Variants in SHLD2 observed in about 807,000 individuals in gnomAD.
SHLD2 encodes the protein shieldin complex subunit 2, also known as RINN1-REV7-interacting novel NHEJ regulator 2.
Under a neutral mutation model 73.2 loss-of-function variants are expected in SHLD2, and 30 were observed. The observed-to-expected ratio is 0.41, with a 90% confidence interval of 0.31 to 0.56. SHLD2 has a LOEUF of 0.56. Among genes scored for constraint, SHLD2 ranks in the 20% least tolerant of loss-of-function variants. The pLI, the probability that SHLD2 is intolerant of heterozygous loss-of-function variation, is 0.28. For synonymous variants in SHLD2, 285 were observed against 370.1 expected, an observed-to-expected ratio of 0.77 and a Z score of 2.64; for missense variants, 745 against 1,055.9, an observed-to-expected ratio of 0.71 and a Z score of 4.08.
intron 3 of SHLD2, among the ~76,000 whole-genome samples, chr10:87,154,777 T>A (rs1040308814): frequency 2.0e-5 from 3 of 152,162 alleles, no homozygotes; most frequent in African/African-American, 4.8e-5. Flanking sequence ...GGAAGTTGAT[T>A]AAGCTTAATA....
At chr10:87,167,676 A>G (rs2134521061) in intron 4 of SHLD2, among the ~76,000 whole-genome samples, 1 of 152,202 alleles carries the variant, frequency 6.6e-6, no homozygotes, top group Non-Finnish European at 1.5e-5. Context: ...ACAGGATCTC[A>G]CTCTGTTACC....
intron 8 of SHLD2, among the ~76,000 whole-genome samples, chr10:87,185,999 G>A (rs7096476): frequency 0.016 from 2,364 of 152,168 alleles, 70 homozygotes; most frequent in African/African-American, 0.054. Context: ...ATGAGCCACC[G>A]CGCATGCCCA....
At chr10:87,148,879 C>T (rs1326173736) in intron 2 of SHLD2, among the ~76,000 whole-genome samples, 2 of 150,330 alleles carry the variant, frequency 1.3e-5, no homozygotes. Context: ...GTATTCCCAC[C>T]AACTTTTTTT....
chr10:87,134,009 G>C (rs974832624), intron 2 of SHLD2, among the ~76,000 whole-genome samples: 1 of 152,206 alleles, frequency 6.6e-6, no homozygotes, highest in African/African-American at 2.4e-5. Context: ...GAGGACAATG[G>C]AAGAAGAGTA....
chr10:87,115,546 T>G (rs1357928984), intron 2 of SHLD2: 1 of 151,908 alleles, frequency 6.6e-6, no homozygotes, highest in Non-Finnish European at 1.5e-5. Flanking sequence ...GAGGTAGTGG[T>G]GACGTTGTAA....
At position 87,114,195 on chromosome 10, in the gene SHLD2, C is replaced by T. The variant is rs974019310; in HGVS notation, c.-6+17206C>T. ...GTTGCCAGAGAACTGGAGCAACATT[C>T]TGTTTGTGGGAAAGAGAATACTCTG... On this transcript the variant is annotated intron_variant, in intron 2 of 9. Transcript: ENST00000298786. 9 of 152,224 alleles carry T rather than the reference C, an allele frequency of 5.9e-5. 1 individual carries two copies. The highest frequency in any genetic ancestry group is 2.1e-4 in the South Asian group (1 of 4,810). The allele number at this position is 152,224 out of a possible 1,614,324, so 9.4% of individuals were successfully genotyped here.
At chr10:87,122,924 C>T (rs1385756645) in intron 2 of SHLD2, among the ~76,000 whole-genome samples, 3 of 152,064 alleles carry the variant, frequency 2.0e-5, no homozygotes, top group Admixed American at 6.5e-5. Flanking sequence ...ACTACAGGCA[C>T]CTGCCACCAC....
intron 5 of SHLD2, 77 bp from the exon 6 acceptor site, chr10:87,170,763 T>C (rs1235202634): frequency 8.1e-6 from 13 of 1,596,696 alleles, no homozygotes; most frequent in Non-Finnish European, 8.5e-6. Flanking sequence ...TCACTATATA[T>C]GTATCATCAG....
chr10:87,124,395 G>A (rs1843837411), intron 2 of SHLD2, among the ~76,000 whole-genome samples: 1 of 151,850 alleles, frequency 6.6e-6, no homozygotes, highest in African/African-American at 2.4e-5. Flanking sequence ...AATCAGCTGG[G>A]CATGGTGAGG....
intron 2 of SHLD2, among the ~76,000 whole-genome samples, chr10:87,115,131 A>G (rs1397706546): frequency 6.6e-6 from 1 of 151,942 alleles, no homozygotes; most frequent in African/African-American, 2.4e-5. Flanking sequence ...GCTCACTGCA[A>G]CCTCCGCCTC....
intron 2 of SHLD2, among the ~76,000 whole-genome samples, chr10:87,117,384 A>C (rs1317569193): frequency 6.6e-6 from 1 of 152,166 alleles, no homozygotes; most frequent in Admixed American, 6.5e-5. Context: ...GCACCATTGC[A>C]CTCCAGCCTG....
intron 2 of SHLD2, among the ~76,000 whole-genome samples, chr10:87,105,816 C>A (rs568363091): frequency 1.3e-5 from 2 of 152,174 alleles, no homozygotes; most frequent in African/African-American, 4.8e-5. Flanking sequence ...AGTGAAGAAA[C>A]CTTTTCCAAA....
At position 87,152,044 on chromosome 10, in the gene SHLD2, G is replaced by A; in HGVS notation, c.690G>A (p.Lys230=). 6.2e-7 allele frequency: 1 copy of A among 1,611,830 alleles called. No homozygotes were observed. The highest frequency in any genetic ancestry group is 8.5e-7 in the Non-Finnish European group (1 of 1,179,774). ...DKSRSEAAVR[K]VSDLKISTDT... The stretch of plus-strand genomic sequence containing the variant: ...CAAGGTCTGAAGCAGCAGTTAGGAA[G>A]GTCTCAGACCTTAAAATATCAACTG... Residue 230 remains lysine (K), a synonymous_variant, in exon 3 of 10, where the codon AAG becomes AAA. Transcript: ENST00000298786.
intron 2 of SHLD2, among the ~76,000 whole-genome samples, chr10:87,139,714 G>A (rs1047547830): frequency 1.3e-3 from 193 of 152,210 alleles, no homozygotes; most frequent in African/African-American, 4.2e-3. Flanking sequence ...TGTAATTCCA[G>A]CTTGGGAGGC....
chr10:87,114,928 A>G (rs1039802176), intron 2 of SHLD2, among the ~76,000 whole-genome samples: 4 of 152,208 alleles, frequency 2.6e-5, no homozygotes, highest in African/African-American at 9.7e-5. Context: ...GTAGTTCTGG[A>G]AGAGACTTAG....
chr10:87,111,963 T>C (rs1241140939), intron 2 of SHLD2, among the ~76,000 whole-genome samples: 1 of 151,748 alleles, frequency 6.6e-6, no homozygotes, highest in Non-Finnish European at 1.5e-5. Context: ...GCAGGCCAGG[T>C]GCGGTAGCTC....
intron 8 of SHLD2, among the ~76,000 whole-genome samples, chr10:87,181,116 C>A (rs1278052056): frequency 6.6e-6 from 1 of 150,602 alleles, no homozygotes; most frequent in Non-Finnish European, 1.5e-5. Context: ...TGTGGTGGCT[C>A]ACGCATGTAA....
intron 6 of SHLD2, among the ~76,000 whole-genome samples, chr10:87,171,634 A>AT (rs1168791026): frequency 6.6e-6 from 1 of 152,134 alleles, no homozygotes; most frequent in African/African-American, 2.4e-5. Flanking sequence ...CTTATGAGTT[A>AT]TTTTTCCCTG....
At chr10:87,174,978 G>A (rs1256247362) in intron 6 of SHLD2, among the ~76,000 whole-genome samples, 3 of 152,022 alleles carry the variant, frequency 2.0e-5, no homozygotes, top group Non-Finnish European at 4.4e-5. Flanking sequence ...TTAGCCGGGC[G>A]TGGTGGCGGG....
Sources: allele counts gnomAD v4.1 joint callset (sites outside exome capture counted in the v4.1 genomes callset), GRCh38; gene constraint gnomAD v4.1.1; transcripts MANE v1.5; gene names NCBI Gene and HGNC (gene_info 2026-07-23, HGNC 2026-07-21).